ZNF83: variants seen among roughly 807,000 people sequenced by gnomAD.
ZNF83 encodes zinc finger protein 83.
For missense variants in ZNF83, 552 were observed against 629.9 expected (o/e 0.88, Z 1.32); for synonymous variants, 209 against 213.0 (o/e 0.98, Z 0.17).
intron 2 of ZNF83, among the ~76,000 whole-genome samples, chr19:52,616,511 T>TA (rs2060310376): frequency 6.6e-6 from 1 of 152,162 alleles, no homozygotes. Flanking sequence ...AAAGAAAATG[T>TA]GGCACATATA....
At chr19:52,647,863 T>C (rs184774932) in intron 3 of ZNF83, among the ~76,000 whole-genome samples, 1 of 151,514 alleles carries the variant, frequency 6.6e-6, no homozygotes, top group East Asian at 1.9e-4. Context: ...TCTCTGCACC[T>C]CCTCTTTTCT....
chr19:52,618,711 A>T, intron 2 of ZNF83: 1 of 842,700 alleles, frequency 1.2e-6, no homozygotes, highest in Non-Finnish European at 1.7e-6. Flanking sequence ...ATAAGGTTTT[A>T]AGCCTTCTTT....
At chr19:52,646,702 G>A (rs1228147030) in intron 3 of ZNF83, among the ~76,000 whole-genome samples, 1 of 152,102 alleles carries the variant, frequency 6.6e-6, no homozygotes, top group African/African-American at 2.4e-5. Flanking sequence ...TAAGAAACTG[G>A]ATACATCCCC....
At chr19:52,630,199 GCTCT>G (rs533776245) in intron 2 of ZNF83, among the ~76,000 whole-genome samples, 1,533 of 152,304 alleles carry the variant, frequency 0.01, 17 homozygotes, top group Middle Eastern at 0.017. Context: ...CTGGCCCATG[GCTCT>G]CTGACTGACT....
chr19:52,635,165 A>C lies in ZNF83; in HGVS notation c.-321-12T>G. ...CTTAGAAGTCAATCCTGAATGTTAA[A>C]AATATGTTGTTTATTGCTCAGAATC... is the stretch of plus-strand genomic sequence containing the variant. On this transcript the variant is annotated splice_polypyrimidine_tract_variant and intron_variant, in intron 1 of 2. Coordinates refer to ENST00000301096, the Ensembl canonical transcript of ZNF83. 2 of 632,952 alleles carry C rather than the reference A, an allele frequency of 3.2e-6. No homozygotes were observed. The highest frequency in any genetic ancestry group is 2.1e-5 in the South Asian group (1 of 47,874). 39.2% of individuals were successfully genotyped at this position (632,952 alleles called of 1,614,324 possible).
intron 3 of ZNF83, among the ~76,000 whole-genome samples, chr19:52,647,633 T>G: frequency 6.7e-6 from 1 of 149,132 alleles, no homozygotes; most frequent in Non-Finnish European, 1.5e-5. Context: ...ATATCTCTCA[T>G]TCTCCCCTTC....
intron 1 of ZNF83, among the ~76,000 whole-genome samples, chr19:52,689,899 C>T (rs2062117780): frequency 6.6e-6 from 1 of 152,358 alleles, no homozygotes; most frequent in South Asian, 2.1e-4. Flanking sequence ...GGCACCTCCC[C>T]AACGCGGGCT....
intron 2 of ZNF83, chr19:52,619,160 G>C (rs1222104779): frequency 1.2e-6 from 2 of 1,609,594 alleles, no homozygotes; most frequent in Non-Finnish European, 1.7e-6. Context: ...TAATTGTAGT[G>C]AATGTTCTGA....
chr19:52,674,015 C>CAAAAAAAAA (rs67570337), intron 1 of ZNF83, among the ~76,000 whole-genome samples: 2 of 73,044 alleles, frequency 2.7e-5, no homozygotes, highest in Non-Finnish European at 5.2e-5. Flanking sequence ...GACTCCATCT[C>CAAAAAAAAA]AAAAAAAAAA....
chr19:52,679,453 A>G (rs1198903735), intron 1 of ZNF83, among the ~76,000 whole-genome samples: 1 of 152,168 alleles, frequency 6.6e-6, no homozygotes, highest in Non-Finnish European at 1.5e-5. Context: ...TCTACTAAAA[A>G]TACAAAAACT....
At chr19:52,623,472 T>G (rs1033496533) in intron 2 of ZNF83, among the ~76,000 whole-genome samples, 2 of 152,170 alleles carry the variant, frequency 1.3e-5, no homozygotes, top group Non-Finnish European at 2.9e-5. Context: ...TATGCACTCC[T>G]TTTTAGTTAT....
rs552009674 is a variant in ZNF83 at position 52,633,291 on chromosome 19, G to A, written c.-234+1775C>T. Among the ~76,000 whole-genome samples, 55 of 148,086 alleles carry A rather than the reference G, an allele frequency of 3.7e-4. No individual in the cohort carries two copies. The South Asian group carries it at 4.2e-3, about 11-fold the overall frequency. On this transcript the variant is annotated intron_variant, in intron 2 of 2. Coordinates refer to ENST00000301096, the Ensembl canonical transcript of ZNF83. ...AAACGGCCCCACCCCATCTCCCTTC[G>A]CTGACTCTCTTTTCAGACTCAGCCC...
intron 2 of ZNF83, among the ~76,000 whole-genome samples, chr19:52,659,066 G>A (rs967474966): frequency 2.6e-5 from 4 of 152,078 alleles, no homozygotes; most frequent in East Asian, 1.9e-4. Flanking sequence ...TCATTCATCC[G>A]TCTGGGCCAG....
upstream of ZNF83, among the ~76,000 whole-genome samples, chr19:52,639,568 C>G (rs888531370): frequency 1.3e-5 from 2 of 151,588 alleles, no homozygotes; most frequent in Admixed American, 6.6e-5. Flanking sequence ...CAGACGCGCA[C>G]AACCATGCCC....
At chr19:52,683,863 C>T (rs943088173) in intron 1 of ZNF83, among the ~76,000 whole-genome samples, 1 of 152,146 alleles carries the variant, frequency 6.6e-6, no homozygotes, top group East Asian at 1.9e-4. Flanking sequence ...GTAGGTGCTG[C>T]TGTTGTCCTG....
intron 1 of ZNF83, among the ~76,000 whole-genome samples, chr19:52,670,446 T>G (rs1181482014): frequency 6.6e-6 from 1 of 152,186 alleles, no homozygotes; most frequent in Non-Finnish European, 1.5e-5. Flanking sequence ...TTGCTCCCTC[T>G]GTGAGGGCAC....
At chr19:52,658,395 A>T (rs190500633) in intron 2 of ZNF83, among the ~76,000 whole-genome samples, 1 of 152,220 alleles carries the variant, frequency 6.6e-6, no homozygotes, top group South Asian at 2.1e-4. Flanking sequence ...GTGAAATTTC[A>T]TCTCTACCAA....
upstream of ZNF83, among the ~76,000 whole-genome samples, chr19:52,642,804 T>C (rs1331680917): frequency 2.0e-5 from 3 of 152,126 alleles, no homozygotes; most frequent in African/African-American, 7.2e-5. Context: ...GAGGATTACT[T>C]GAGCTCAGGG....
chr19:52,634,206 A>C (rs909089664), intron 2 of ZNF83, among the ~76,000 whole-genome samples: 44 of 148,480 alleles, frequency 3.0e-4, no homozygotes, highest in Non-Finnish European at 7.4e-5. Context: ...CAGAAGGCAG[A>C]GGTTGCAGTA....
Sources: gnomAD v4.1 joint callset for allele counts (sites outside exome capture counted in the v4.1 genomes callset) on GRCh38, gnomAD v4.1.1 for gene constraint, MANE v1.5 for transcripts, NCBI Gene and HGNC (gene_info 2026-07-23, HGNC 2026-07-21) for gene names.